Variants in FBXL5 observed in about 807,000 individuals in gnomAD.
FBXL5 encodes F-box and leucine rich repeat protein 5.
FBXL5 carries 26 observed loss-of-function variants against 78.3 expected under a neutral mutation model. The observed-to-expected ratio is 0.33, with a 90% CI of 0.24 to 0.46. The LOEUF (loss-of-function observed/expected upper bound fraction) is 0.46, where lower values mean the gene tolerates loss of function less well. Among genes scored for constraint, FBXL5 ranks in the 20% least tolerant of loss-of-function variants. The pLI is 1.00. For missense variants in FBXL5, 710 were observed against 829.2 expected (o/e 0.86, Z 1.77); for synonymous variants, 295 against 282.5 (o/e 1.04, Z -0.45).
upstream of FBXL5, among the ~76,000 whole-genome samples, chr4:15,659,419 A>G (rs571478114): frequency 2.1e-3 from 320 of 152,280 alleles, 2 homozygotes; most frequent in African/African-American, 7.3e-3. Context: ...TGACCTCATA[A>G]GCAAAAATTG....
Position 15,625,410 on chromosome 4 carries a change from T to C in FBXL5, c.1692A>G (p.Pro564=). The C allele has an allele frequency of 6.2e-7, 1 of 1,614,176 alleles. No individual in the cohort carries two copies. The highest frequency in any genetic ancestry group is 8.5e-7 in the Non-Finnish European group (1 of 1,180,022). ...GTALRTMSSL[P]ESSAMCRKAA... is the part of the protein sequence containing the mutation. ...CTTTTCTACACATTGCAGAAGATTC[T>C]GGGAGTGATGACATAGTTCTTAAAG... The change falls in exon 9 of 11, where the codon CCA becomes CCG. Residue 564 remains proline, a synonymous_variant. Transcript: ENST00000341285.
Position 15,640,892 on chromosome 4 carries a change from C to T in FBXL5, c.301-9G>A. The T allele has an allele frequency of 8.2e-7, 1 of 1,213,984 alleles. No individual in the cohort carries two copies. Among genetic ancestry groups the T allele is most frequent in the Non-Finnish European group, 1.1e-6 (1 of 912,770 alleles). 75.2% of individuals were successfully genotyped at this position (1,213,984 alleles called of 1,614,324 possible). A position where few individuals can be genotyped will look rare whatever the true frequency, so the allele number is the denominator to read the frequency against. On this transcript the variant is annotated splice_polypyrimidine_tract_variant and intron_variant, in intron 2 of 10. Coordinates refer to ENST00000341285, the MANE Select transcript of FBXL5 (RefSeq NM_012161.4). ...AACTGTTCATATTCATTCTGGAAAC[C>T]AAAAAAAAAATACATTTTTATAAAA...
At chr4:15,662,483 A>C (rs775114663), upstream of FBXL5, among the ~76,000 whole-genome samples, 8 of 152,224 alleles carry the variant, frequency 5.3e-5, no homozygotes, top group Admixed American at 6.5e-5. Context: ...TAAGCATTCA[A>C]TACTATCTTT....
Position 15,638,709 on chromosome 4 carries a change from A to C in FBXL5, c.397-15T>G. 6.6e-7 allele frequency: 1 copy of C among 1,509,772 alleles called. No homozygotes were observed. The highest frequency in any genetic ancestry group is 9.0e-7 in the Non-Finnish European group (1 of 1,109,396). 93.5% of individuals were successfully genotyped at this position (1,509,772 alleles called of 1,614,324 possible). On this transcript the variant is annotated splice_polypyrimidine_tract_variant and intron_variant, in intron 3 of 10. Transcript: ENST00000341285. ...GGCTGAAAAACCTAAATTAAACAAA[A>C]TATTCACGAGGAAAGATGCTTCATT...
chr4:15,624,214 C>T (rs1029799134), intron 9 of FBXL5, among the ~76,000 whole-genome samples: 1 of 152,032 alleles, frequency 6.6e-6, no homozygotes, highest in Non-Finnish European at 1.5e-5. Flanking sequence ...TATCTGACAT[C>T]CCATTATCAA....
Position 15,644,652 on chromosome 4 carries a change from C to T in FBXL5, c.141G>A (p.Leu47=). Reference sequence around the variant, plus strand: ...TTTTGAACTCCTTGAAAGTAGCATACAAAGACTGCAGAAGAGCACGGAAAT... The same window carrying T: ...TTTTGAACTCCTTGAAAGTAGCATATAAAGACTGCAGAAGAGCACGGAAAT... ...NNDFRALLQS[L]YATFKEFKMH... is the part of the protein sequence containing the mutation. The change falls in exon 2 of 11, where the codon TTG becomes TTA. Residue 47 remains leucine (L), a synonymous_variant. Coordinates refer to ENST00000341285, the MANE Select transcript of FBXL5 (RefSeq NM_012161.4). 1.9e-6 allele frequency: 3 copies of T among 1,613,970 alleles called. No individual in the cohort carries two copies. Among genetic ancestry groups the T allele is most frequent in the Non-Finnish European group, 2.5e-6 (3 of 1,179,968 alleles).
At chr4:15,634,741 A>G (rs1714068952) in intron 5 of FBXL5, among the ~76,000 whole-genome samples, 1 of 152,112 alleles carries the variant, frequency 6.6e-6, no homozygotes, top group Non-Finnish European at 1.5e-5. Flanking sequence ...TGTTTAACAT[A>G]TTAAAAACAG....
At chr4:15,607,460 T>C (rs1721967461) in intron 10 of FBXL5, among the ~76,000 whole-genome samples, 1 of 152,176 alleles carries the variant, frequency 6.6e-6, no homozygotes. Flanking sequence ...TAAGAAACAA[T>C]GTTAATCATC....
chr4:15,634,227 C>T (rs1319832369), intron 5 of FBXL5, among the ~76,000 whole-genome samples: 2 of 152,044 alleles, frequency 1.3e-5, no homozygotes, highest in African/African-American at 4.8e-5. Context: ...CTCTGTCACC[C>T]GGATTGGAGT....
At position 15,605,851 on chromosome 4, in the gene FBXL5, A is replaced by C. The variant is rs781573413; in HGVS notation, c.2000-52T>G. 2.1e-6 allele frequency: 3 copies of C among 1,436,054 alleles called. No individual in the cohort carries two copies. The East Asian group carries it at 6.8e-5, about 33-fold the overall frequency. 89.0% of individuals were successfully genotyped at this position (1,436,054 alleles called of 1,614,324 possible). A position where few individuals can be genotyped will look rare whatever the true frequency, so the allele number is the denominator to read the frequency against. On this transcript the variant is annotated intron_variant, in intron 10 of 10. Transcript: ENST00000341285. ...GGAGGAATTTCTTAGAGATCACATA[A>C]AAATAATTTTGCTTATGAAGGAGTT...
At position 15,638,595 on chromosome 4, in the gene FBXL5, C is replaced by T; in HGVS notation, c.496G>A (p.Glu166Lys). 2 of 1,613,398 alleles carry T rather than the reference C, an allele frequency of 1.2e-6. No individual in the cohort carries two copies. The highest frequency in any genetic ancestry group is 1.7e-6 in the Non-Finnish European group (2 of 1,179,506). ...CATAGGCTAAGACCTCTAAGGAGTT[C>T]TGCAGTATCCTTCTGAGAGCAGTGT... is the stretch of plus-strand genomic sequence containing the variant. ...AQHCSQKDTA[E>K]LLRGLSLWNH... The change falls in exon 4 of 11, where the codon GAA becomes AAA. Residue 166 changes from glutamate to lysine, a missense_variant. Transcript: ENST00000341285.
chr4:15,655,375 T>A (rs905645459), upstream of FBXL5: 1 of 1,101,050 alleles, frequency 9.1e-7, no homozygotes, highest in South Asian at 3.2e-5. Context: ...GCGCGCCCCC[T>A]TGCGCATGCG....
chr4:15,634,352 C>A (rs1714006415), intron 5 of FBXL5, among the ~76,000 whole-genome samples: 1 of 137,406 alleles, frequency 7.3e-6, no homozygotes, highest in South Asian at 2.4e-4. Context: ...CCATGTCTGA[C>A]TAATTTTTTT....
intron 5 of FBXL5, among the ~76,000 whole-genome samples, chr4:15,633,476 G>A (rs1713905165): frequency 6.6e-6 from 1 of 152,132 alleles, no homozygotes; most frequent in African/African-American, 2.4e-5. Flanking sequence ...GAAGTAGATG[G>A]GAACAGAAGC....
intron 1 of FBXL5, among the ~76,000 whole-genome samples, chr4:15,667,279 AGTCCAATGCTT>A (rs1397009590): frequency 6.6e-6 from 1 of 152,200 alleles, no homozygotes; most frequent in African/African-American, 2.4e-5. Context: ...ACAAGTACCT[AGTCCAATGCTT>A]GGCATATGAT....
Position 15,625,547 on chromosome 4 carries a change from C to T in FBXL5, c.1555G>A (p.Gly519Ser). Reference protein sequence around the residue: ...TASNFSCSTSGCFSKDIVGLR... With the variant: ...TASNFSCSTSSCFSKDIVGLR... Reference sequence around the variant, plus strand: ...CCAACAATGTCCTTACTAAAACAACCAGAGGTGGAACAACTAAAGTTGGAT... The same window carrying T: ...CCAACAATGTCCTTACTAAAACAACTAGAGGTGGAACAACTAAAGTTGGAT... Residue 519 changes from glycine (G) to serine (S), a missense_variant, in exon 9 of 11, where the codon GGT (glycine) becomes AGT (serine). Physicochemically the swap from Gly to Ser is moderately conservative, Grantham distance 56 (BLOSUM62 0). Transcript: ENST00000341285. 6.2e-7 allele frequency: 1 copy of T among 1,614,140 alleles called. No homozygotes were observed. Among genetic ancestry groups the T allele is most frequent in the Non-Finnish European group, 8.5e-7 (1 of 1,180,002 alleles).
At chr4:15,658,182 A>T (rs747162385), upstream of FBXL5, among the ~76,000 whole-genome samples, 2 of 152,232 alleles carry the variant, frequency 1.3e-5, no homozygotes, top group Non-Finnish European at 2.9e-5. Flanking sequence ...TGAGTATGTG[A>T]CACAGCACTT....
chr4:15,621,807 C>G (rs1418849013), intron 9 of FBXL5, among the ~76,000 whole-genome samples: 2 of 152,060 alleles, frequency 1.3e-5, no homozygotes, highest in African/African-American at 4.8e-5. Context: ...TAACTAAAAC[C>G]TTATCAATTT....
intron 10 of FBXL5, among the ~76,000 whole-genome samples, chr4:15,610,187 A>C (rs535042438): frequency 1.3e-5 from 2 of 152,096 alleles, no homozygotes; most frequent in Non-Finnish European, 2.9e-5. Context: ...AGATACTGGA[A>C]CAAGTGTCAT....
Sources: allele counts gnomAD v4.1 joint callset (sites outside exome capture counted in the v4.1 genomes callset), GRCh38; gene constraint gnomAD v4.1.1; transcripts MANE v1.5; gene names NCBI Gene and HGNC (gene_info 2026-07-23, HGNC 2026-07-21).